MACROD2: variants seen among roughly 807,000 people sequenced by gnomAD.
MACROD2 encodes mono-ADP ribosylhydrolase 2, also known as ADP-ribose glycohydrolase MACROD2.
In MACROD2, 36 loss-of-function variants were observed where a neutral mutation model predicts 70.4. That is an observed-to-expected ratio of 0.51 (90% CI 0.39 to 0.68). MACROD2 has a LOEUF of 0.68. Among genes scored for constraint, MACROD2 ranks in the 30% least tolerant of loss-of-function variants. The probability of loss-of-function intolerance (pLI) is 0.00; values close to 1 mark genes in which losing one functional copy is unlikely to be tolerated. For missense variants in MACROD2, 496 were observed against 538.4 expected (o/e 0.92, Z 0.78); for synonymous variants, 172 against 178.8 (o/e 0.96, Z 0.30).
intron 4 of MACROD2, among the ~76,000 whole-genome samples, chr20:14,585,250 A>G (rs1981298563): frequency 6.6e-6 from 1 of 152,132 alleles, no homozygotes; most frequent in Non-Finnish European, 1.5e-5. Flanking sequence ...ATACATAAAA[A>G]CATATTGTTT....
rs1568648917 is a variant in MACROD2, at chr20:14,515,475, A to ACGCGCGCG, written c.301+21968_301+21969insGCGCGCGC. The stretch of plus-strand genomic sequence containing the variant: ...GAGATACACACACACGCACACACAC[A>ACGCGCGCG]CACACACACACACACACACACACGA... On this transcript the variant is annotated intron_variant, in intron 4 of 17. Transcript: ENST00000684519. 3.0e-3 allele frequency among the ~76,000 whole-genome samples: 302 copies of ACGCGCGCG among 100,588 alleles called. 4 individuals are homozygous for ACGCGCGCG. The highest frequency in any genetic ancestry group is 0.013 in the African/African-American group (298 of 22,272). The allele number at this position is 100,588 out of a possible 152,430, so 66.0% of individuals were successfully genotyped here. A position where few individuals can be genotyped will look rare whatever the true frequency, so the allele number is the denominator to read the frequency against.
intron 5 of MACROD2, among the ~76,000 whole-genome samples, chr20:15,149,669 C>T (rs2076255103): frequency 6.6e-6 from 1 of 151,942 alleles, no homozygotes; most frequent in African/African-American, 2.4e-5. Context: ...ATTTTAAGGG[C>T]CTCTAAAAGT....
chr20:15,679,971 G>A (rs1181519457), intron 8 of MACROD2, among the ~76,000 whole-genome samples: 1 of 152,144 alleles, frequency 6.6e-6, no homozygotes, highest in Non-Finnish European at 1.5e-5. Context: ...AACCAATGCA[G>A]GAATCTTATT....
At chr20:15,924,875 T>C (rs931410425) in intron 10 of MACROD2, among the ~76,000 whole-genome samples, 8 of 152,234 alleles carry the variant, frequency 5.3e-5, no homozygotes, top group African/African-American at 1.9e-4. Context: ...TTTAAACAAA[T>C]GTGTAGGCTC....
chr20:15,869,075 A>T (rs2064535785), intron 9 of MACROD2, among the ~76,000 whole-genome samples: 1 of 151,716 alleles, frequency 6.6e-6, no homozygotes, highest in Non-Finnish European at 1.5e-5. Context: ...TATAGGTGTA[A>T]ACCACTATGC....
At chr20:14,347,523 G>A (rs2083076262) in intron 3 of MACROD2, among the ~76,000 whole-genome samples, 3 of 152,074 alleles carry the variant, frequency 2.0e-5, no homozygotes, top group Non-Finnish European at 2.9e-5. Flanking sequence ...AGGATGGTAA[G>A]GGTACACAAA....
At chr20:15,834,069 A>T (rs901324653) in intron 8 of MACROD2, among the ~76,000 whole-genome samples, 1 of 152,210 alleles carries the variant, frequency 6.6e-6, no homozygotes, top group Non-Finnish European at 1.5e-5. Flanking sequence ...GAATACTGCA[A>T]TTCAGTGAGT....
intron 4 of MACROD2, among the ~76,000 whole-genome samples, chr20:14,646,598 G>A: frequency 6.6e-6 from 1 of 151,868 alleles, no homozygotes; most frequent in Non-Finnish European, 1.5e-5. Flanking sequence ...AAAAAAATTG[G>A]TCTTTCTTCT....
intron 6 of MACROD2, among the ~76,000 whole-genome samples, chr20:15,344,090 A>G (rs989580040): frequency 4.6e-5 from 7 of 152,216 alleles, no homozygotes; most frequent in Non-Finnish European, 1.0e-4. Flanking sequence ...CTTGTAGACT[A>G]AATTATCCAG....
At chr20:14,556,910 G>A (rs1043032723) in intron 4 of MACROD2, among the ~76,000 whole-genome samples, 12 of 151,864 alleles carry the variant, frequency 7.9e-5, no homozygotes. Context: ...AAGGGACCCA[G>A]GATAGTTTAA....
intron 6 of MACROD2, among the ~76,000 whole-genome samples, chr20:15,317,707 G>C (rs905180373): frequency 6.6e-6 from 1 of 151,758 alleles, no homozygotes; most frequent in Admixed American, 6.6e-5. Context: ...TGAGTCTAAA[G>C]GCAGAAAAAT....
intron 3 of MACROD2, among the ~76,000 whole-genome samples, chr20:14,181,632 C>A (rs2081306381): frequency 6.6e-6 from 1 of 151,660 alleles, no homozygotes; most frequent in South Asian, 2.1e-4. Flanking sequence ...TCAACTTTGT[C>A]ACATCCCATT....
At chr20:15,652,740 A>G (rs903946437) in intron 8 of MACROD2, among the ~76,000 whole-genome samples, 3 of 151,168 alleles carry the variant, frequency 2.0e-5, no homozygotes, top group Non-Finnish European at 4.4e-5. Context: ...TTTTTTTTAC[A>G]TAGTTGCCTT....
chr20:15,086,942 A>G (rs2075753394), intron 5 of MACROD2, among the ~76,000 whole-genome samples: 1 of 152,120 alleles, frequency 6.6e-6, no homozygotes, highest in South Asian at 2.1e-4. Context: ...ATATTTTTCT[A>G]GAGATGTCCT....
chr20:15,808,241 G>A (rs1030122404), intron 8 of MACROD2, among the ~76,000 whole-genome samples: 1 of 152,106 alleles, frequency 6.6e-6, no homozygotes, highest in African/African-American at 2.4e-5. Flanking sequence ...TTTGGCTGTG[G>A]CTCTTCCTGC....
intron 5 of MACROD2, among the ~76,000 whole-genome samples, chr20:14,915,246 A>T (rs1264886568): frequency 6.6e-6 from 1 of 152,220 alleles, no homozygotes; most frequent in Non-Finnish European, 1.5e-5. Context: ...TGAGTAAAGT[A>T]TGCATGTGGA....
intron 4 of MACROD2, among the ~76,000 whole-genome samples, chr20:14,607,350 T>C (rs1285407151): frequency 6.6e-6 from 1 of 152,200 alleles, no homozygotes; most frequent in East Asian, 1.9e-4. Flanking sequence ...AACAGTCTGA[T>C]TCTAAAACAC....
chr20:14,800,553 T>C (rs2072562475), intron 5 of MACROD2, among the ~76,000 whole-genome samples: 1 of 152,126 alleles, frequency 6.6e-6, no homozygotes, highest in Non-Finnish European at 1.5e-5. Context: ...CCCAATGCAA[T>C]TTAAGAGTCA....
chr20:14,197,302 A>G (rs2081440321), intron 3 of MACROD2, among the ~76,000 whole-genome samples: 1 of 152,210 alleles, frequency 6.6e-6, no homozygotes, highest in East Asian at 1.9e-4. Flanking sequence ...TTGACTTGGG[A>G]GCAAAACTAT....
Sources: gnomAD v4.1 joint callset for allele counts (sites outside exome capture counted in the v4.1 genomes callset) on GRCh38, gnomAD v4.1.1 for gene constraint, MANE v1.5 for transcripts, NCBI Gene and HGNC (gene_info 2026-07-23, HGNC 2026-07-21) for gene names.